ZNF804B: variants seen among roughly 807,000 people sequenced by gnomAD.
ZNF804B encodes the protein zinc finger protein 804B.
A neutral mutation model predicts 101.4 loss-of-function variants in ZNF804B; 80 were observed. That is an observed-to-expected ratio of 0.79 (90% CI 0.66 to 0.95). The LOEUF (loss-of-function observed/expected upper bound fraction) is 0.95. Among genes scored for constraint, ZNF804B ranks in the 40% least tolerant of loss-of-function variants. ZNF804B has a pLI of 0.00. For missense variants in ZNF804B, 1,673 were observed against 1,561.9 expected (o/e 1.07, Z -1.20); for synonymous variants, 622 against 558.8 (o/e 1.11, Z -1.59).
At chr7:89,143,603 A>G (rs1177396881) in intron 1 of ZNF804B, among the ~76,000 whole-genome samples, 1 of 151,800 alleles carries the variant, frequency 6.6e-6, no homozygotes, top group East Asian at 1.9e-4. Context: ...TTCCCCAAAA[A>G]CTTTTTTAAG....
chr7:89,172,593 A>G (rs1400360528), intron 1 of ZNF804B, among the ~76,000 whole-genome samples: 1 of 152,172 alleles, frequency 6.6e-6, no homozygotes, highest in African/African-American at 2.4e-5. Flanking sequence ...TCTTTCTGAC[A>G]TGTTTTATAG....
intron 1 of ZNF804B, among the ~76,000 whole-genome samples, chr7:89,025,551 GT>G: frequency 6.6e-6 from 1 of 152,114 alleles, no homozygotes; most frequent in African/African-American, 2.4e-5. Context: ...AGAAAAACTT[GT>G]TTTTTAAAAA....
chr7:89,146,830 C>G (rs145199372), intron 1 of ZNF804B, among the ~76,000 whole-genome samples: 25 of 151,768 alleles, frequency 1.6e-4, no homozygotes, highest in Non-Finnish European at 3.2e-4. Flanking sequence ...AGTTCAAGAC[C>G]AGCATGGGCA....
rs1562812843 is a variant in ZNF804B at position 88,854,510 on chromosome 7, T to TTC, written c.108+94426_108+94427insTC. On this transcript the variant is annotated intron_variant, in intron 1 of 3. Transcript: ENST00000333190. The stretch of plus-strand genomic sequence containing the variant: ...TCCTTTCCTTTCCTTTCCTTTCCTT[T>TTC]CCTTTCCTTTCCTTCCTTTCCTTCC... Among the ~76,000 whole-genome samples the TTC allele has an allele frequency of 1.2e-4, 10 of 85,976 alleles. No homozygotes were observed. The South Asian group carries it at 1.3e-3, about 12-fold the overall frequency. 56.4% of individuals were successfully genotyped at this position (85,976 alleles called of 152,430 possible). A position where few individuals can be genotyped will look rare whatever the true frequency, so the allele number is the denominator to read the frequency against.
At chr7:88,897,804 A>G (rs979371519) in intron 1 of ZNF804B, among the ~76,000 whole-genome samples, 1 of 151,760 alleles carries the variant, frequency 6.6e-6, no homozygotes, top group African/African-American at 2.4e-5. Context: ...AGCTGTCTCT[A>G]TTGGAATCCT....
intron 1 of ZNF804B, among the ~76,000 whole-genome samples, chr7:88,865,368 C>T (rs1049211509): frequency 2.0e-5 from 3 of 151,780 alleles, no homozygotes; most frequent in Non-Finnish European, 4.4e-5. Flanking sequence ...CTTGTCTCTA[C>T]AGAAAGTAAA....
chr7:89,333,955 T>C lies in ZNF804B; in HGVS notation c.973T>C (p.Ser325Pro), dbSNP rs1425875583. Reference sequence around the variant, plus strand: ...TTCAATTGGCATTCATGCTTCATTCTCTAAATCTAACATTCATCTTTCAGA... The same window carrying C: ...TTCAATTGGCATTCATGCTTCATTCCCTAAATCTAACATTCATCTTTCAGA... ...EDSIGIHASF[S>P]KSNIHLSDVD... The change falls in exon 4 of 4, where the codon TCT becomes CCT. Residue 325 changes from serine (S) to proline (P), a missense_variant. Coordinates refer to ENST00000333190, the MANE Select transcript of ZNF804B (RefSeq NM_181646.5). 4 of 1,613,430 alleles carry C rather than the reference T, an allele frequency of 2.5e-6. No homozygotes were observed. The highest frequency in any genetic ancestry group is 1.7e-5 in the Admixed American group (1 of 59,818).
At chr7:88,862,934 A>C (rs1425794867) in intron 1 of ZNF804B, among the ~76,000 whole-genome samples, 1 of 152,160 alleles carries the variant, frequency 6.6e-6, no homozygotes, top group Non-Finnish European at 1.5e-5. Context: ...TCGTCATCCC[A>C]CATCTCACTG....
At chr7:88,991,983 C>T in intron 1 of ZNF804B, among the ~76,000 whole-genome samples, 1 of 152,138 alleles carries the variant, frequency 6.6e-6, no homozygotes, top group East Asian at 1.9e-4. Flanking sequence ...CCCTCCTTTG[C>T]TGTACTCTTC....
intron 1 of ZNF804B, among the ~76,000 whole-genome samples, chr7:88,845,047 C>G (rs1048817898): frequency 6.6e-6 from 1 of 152,110 alleles, no homozygotes; most frequent in Non-Finnish European, 1.5e-5. Flanking sequence ...TCTTTCCAAT[C>G]CCATGAAGAT....
intron 3 of ZNF804B, among the ~76,000 whole-genome samples, chr7:89,330,197 A>C (rs1238863645): frequency 6.6e-6 from 1 of 151,706 alleles, no homozygotes; most frequent in African/African-American, 2.4e-5. Context: ...TTCATTGAGA[A>C]TGCAACTGTG....
At chr7:89,302,347 G>A (rs17168262) in intron 2 of ZNF804B, among the ~76,000 whole-genome samples, 10,058 of 151,830 alleles carry the variant, frequency 0.066, 419 homozygotes, top group Middle Eastern at 0.16. Flanking sequence ...CACAGCTATC[G>A]GGGACATGGA....
chr7:88,971,392 G>A (rs1469209083), intron 1 of ZNF804B, among the ~76,000 whole-genome samples: 1 of 151,522 alleles, frequency 6.6e-6, no homozygotes, highest in Non-Finnish European at 1.5e-5. Flanking sequence ...ATAAAGAAAT[G>A]TATAAATATA....
At chr7:88,939,961 T>C (rs981615489) in intron 1 of ZNF804B, among the ~76,000 whole-genome samples, 3 of 152,002 alleles carry the variant, frequency 2.0e-5, no homozygotes, top group Admixed American at 6.6e-5. Context: ...GATACTATTG[T>C]ACTTCTTTCA....
chr7:88,825,545 G>A (rs1035953269), intron 1 of ZNF804B, among the ~76,000 whole-genome samples: 1 of 42,048 alleles, frequency 2.4e-5, no homozygotes, highest in African/African-American at 2.5e-4. Flanking sequence ...TGTGTCCTCT[G>A]TCTCCACAGT....
At chr7:89,069,225 C>A (rs1789499283) in intron 1 of ZNF804B, among the ~76,000 whole-genome samples, 1 of 152,290 alleles carries the variant, frequency 6.6e-6, no homozygotes. Context: ...CAAGAGAAAT[C>A]TCTTATGTCT....
rs181591684 is a variant in ZNF804B, at chr7:89,210,710, G to A, written c.109-7445G>A. Among the ~76,000 whole-genome samples, 23 of 152,306 alleles carry A rather than the reference G, an allele frequency of 1.5e-4. No individual in the cohort carries two copies. The East Asian group carries it at 4.0e-3, about 27-fold the overall frequency. On this transcript the variant is annotated intron_variant, in intron 1 of 3. Coordinates refer to ENST00000333190, the MANE Select transcript of ZNF804B (RefSeq NM_181646.5). ...TCATGGCTGCATAGTATTCCATGGT[G>A]TCTATGTACCACATTTTCTTTATCC...
rs142508140 is a variant in ZNF804B, at chr7:88,955,390, A to G, written c.108+195306A>G. Among the ~76,000 whole-genome samples the G allele has an allele frequency of 1.4e-4, 21 of 151,800 alleles. 1 individual carries two copies. In the East Asian group the frequency reaches 4.1e-3, roughly 30 times the overall value. On this transcript the variant is annotated intron_variant, in intron 1 of 3. Coordinates refer to ENST00000333190, the MANE Select transcript of ZNF804B (RefSeq NM_181646.5). The stretch of plus-strand genomic sequence containing the variant: ...GCTGAATATTATCCAGAAGCCCTCA[A>G]ATTTATAGAACAAATGTGAAGAATA...
At chr7:88,998,226 A>G (rs553225438) in intron 1 of ZNF804B, among the ~76,000 whole-genome samples, 8 of 152,068 alleles carry the variant, frequency 5.3e-5, no homozygotes, top group African/African-American at 1.4e-4. Context: ...CTCCCCATCC[A>G]TATAATCCTG....
Sources: allele counts gnomAD v4.1 joint callset (sites outside exome capture counted in the v4.1 genomes callset), GRCh38; gene constraint gnomAD v4.1.1; transcripts MANE v1.5; gene names NCBI Gene and HGNC (gene_info 2026-07-23, HGNC 2026-07-21).